Variants in LEPR observed in about 807,000 individuals in gnomAD.
LEPR encodes OB receptor.
A neutral mutation model predicts 114.7 loss-of-function variants in LEPR; 56 were observed. The observed-to-expected ratio is 0.49, with a 90% CI of 0.39 to 0.61. LEPR has a LOEUF of 0.61. Among genes scored for constraint, LEPR ranks in the 20% least tolerant of loss-of-function variants. The pLI, the probability that LEPR is intolerant of heterozygous loss-of-function variation, is 0.00. For synonymous variants in LEPR, 443 were observed against 461.4 expected, an observed-to-expected ratio of 0.96 and a Z score of 0.51; for missense variants, 1,202 against 1,352.9, an observed-to-expected ratio of 0.89 and a Z score of 1.75.
At chr1:65,424,504 A>G (rs1646318256) in intron 1 of LEPR, among the ~76,000 whole-genome samples, 1 of 152,038 alleles carries the variant, frequency 6.6e-6, no homozygotes, top group Admixed American at 6.6e-5. Context: ...TCCATTGGAT[A>G]GGGGTTAGGT....
At chr1:65,530,880 A>G (rs1438577377) in intron 2 of LEPR, among the ~76,000 whole-genome samples, 2 of 152,124 alleles carry the variant, frequency 1.3e-5, no homozygotes, top group Non-Finnish European at 2.9e-5. Flanking sequence ...CTCCCACCCT[A>G]GTACAAGGTG....
At chr1:65,565,655 A>G (rs769645638) in intron 3 of LEPR, 50 bp downstream of exon 3, 43 of 1,607,788 alleles carry the variant, frequency 2.7e-5, no homozygotes, top group Middle Eastern at 1.6e-4. Context: ...CATGGTAGAG[A>G]TTTTGCCTTT....
chr1:65,629,332 T>A lies in LEPR; in HGVS notation c.2673+6351T>A, dbSNP rs1382380508. 6.7e-6 allele frequency: 3 copies of A among 449,034 alleles called. No individual in the cohort carries two copies. In the Admixed American group the frequency reaches 7.3e-5, roughly 11 times the overall value. 27.8% of individuals were successfully genotyped at this position (449,034 alleles called of 1,614,324 possible). On this transcript the variant is annotated intron_variant, in intron 19 of 19. Transcript: ENST00000349533. Reference sequence around the variant, plus strand: ...ATCTAAGTTTATGTTTTTCCTTAAGTCAGGGTTGATATGATGTTCTGTGTT... The same window carrying A: ...ATCTAAGTTTATGTTTTTCCTTAAGACAGGGTTGATATGATGTTCTGTGTT...
At chr1:65,539,409 G>C (rs760895618) in intron 2 of LEPR, among the ~76,000 whole-genome samples, 2 of 152,154 alleles carry the variant, frequency 1.3e-5, no homozygotes, top group Non-Finnish European at 2.9e-5. Flanking sequence ...CAGGAAGAAT[G>C]TGACTTCTGT....
chr1:65,438,801 CTT>C (rs1376560114), intron 2 of LEPR, among the ~76,000 whole-genome samples: 1 of 152,042 alleles, frequency 6.6e-6, no homozygotes, highest in East Asian at 1.9e-4. Flanking sequence ...TTTATGAGCT[CTT>C]TTATTCTAAG....
intron 2 of LEPR, among the ~76,000 whole-genome samples, chr1:65,499,272 G>A (rs1287960164): frequency 6.6e-6 from 1 of 152,100 alleles, no homozygotes; most frequent in Non-Finnish European, 1.5e-5. Context: ...CAAGAATATA[G>A]CGAGTTTCCC....
Position 65,618,017 on chromosome 1 carries a change from G to T in LEPR, c.2266G>T (p.Val756Phe), listed in dbSNP as rs1657633570. 6.2e-7 allele frequency: 1 copy of T among 1,612,800 alleles called. No homozygotes were observed. The highest frequency in any genetic ancestry group is 1.3e-5 in the African/African-American group (1 of 74,846). The change falls in exon 16 of 20, where the codon GTT (valine) becomes TTT (phenylalanine). Residue 756 changes from valine (V) to phenylalanine (F), a missense_variant. Physicochemically the swap from Val to Phe is conservative, Grantham distance 50. Coordinates refer to ENST00000349533, the MANE Select transcript of LEPR (RefSeq NM_002303.6). ...TCCTTTAAACAGCAGTTGTGTGATT[G>T]TTTCCTGGATACTATCACCCAGTGA... Reference protein sequence around the residue: ...AYPLNSSCVIVSWILSPSDYK... With the variant: ...AYPLNSSCVIFSWILSPSDYK...
intron 11 of LEPR, among the ~76,000 whole-genome samples, chr1:65,606,167 T>C (rs2100952938): frequency 6.6e-6 from 1 of 152,250 alleles, no homozygotes; most frequent in South Asian, 2.1e-4. Context: ...TTGTCTTAAT[T>C]ATAAGATTTC....
chr1:65,466,629 T>G (rs540396751), intron 2 of LEPR, among the ~76,000 whole-genome samples: 1 of 152,364 alleles, frequency 6.6e-6, no homozygotes, highest in Non-Finnish European at 1.5e-5. Flanking sequence ...GTTTTCCAAC[T>G]TGGTTCCATT....
intron 3 of LEPR, among the ~76,000 whole-genome samples, chr1:65,566,038 G>A (rs939580001): frequency 2.0e-4 from 31 of 152,110 alleles, no homozygotes; most frequent in African/African-American, 7.2e-4. Context: ...ATACTTATTA[G>A]TTTAATGGTT....
At chr1:65,513,392 T>C (rs1159335987) in intron 2 of LEPR, among the ~76,000 whole-genome samples, 1 of 152,244 alleles carries the variant, frequency 6.6e-6, no homozygotes, top group African/African-American at 2.4e-5. Flanking sequence ...GTCACATTGA[T>C]ATGATCAAAG....
chr1:65,619,389 A>G (rs1485046416), intron 16 of LEPR, among the ~76,000 whole-genome samples: 6 of 152,096 alleles, frequency 3.9e-5, no homozygotes, highest in Non-Finnish European at 8.8e-5. Context: ...GAGCTTTGCT[A>G]TAGGGTTGGT....
intron 2 of LEPR, chr1:65,435,007 G>A (rs55655800): frequency 4.1e-6 from 4 of 985,342 alleles, no homozygotes; most frequent in African/African-American, 1.7e-5. Flanking sequence ...CTGCACCTGC[G>A]TTTTTAGAGA....
intron 2 of LEPR, among the ~76,000 whole-genome samples, chr1:65,481,670 T>A (rs979659030): frequency 1.3e-5 from 2 of 152,060 alleles, no homozygotes; most frequent in African/African-American, 4.8e-5. Context: ...CCAGACTTTA[T>A]ATTATTTAAA....
At chr1:65,450,376 C>T (rs1570470103) in intron 2 of LEPR, among the ~76,000 whole-genome samples, 1 of 149,580 alleles carries the variant, frequency 6.7e-6, no homozygotes, top group Admixed American at 6.7e-5. Context: ...GCTGCACCCA[C>T]TAACTCGTCA....
At chr1:65,430,029 T>C in intron 2 of LEPR, 2 of 1,560,914 alleles carry the variant, frequency 1.3e-6, no homozygotes, top group South Asian at 2.3e-5. Context: ...TTTCCTGTTA[T>C]TCTTGCTCGT....
At chr1:65,428,533 C>A (rs1211934714) in intron 2 of LEPR, among the ~76,000 whole-genome samples, 1 of 152,188 alleles carries the variant, frequency 6.6e-6, no homozygotes, top group Non-Finnish European at 1.5e-5. Flanking sequence ...TCCACTGTTT[C>A]CATCCTGAGT....
chr1:65,424,214 A>T (rs1646312861), intron 1 of LEPR, among the ~76,000 whole-genome samples: 1 of 152,224 alleles, frequency 6.6e-6, no homozygotes, highest in South Asian at 2.1e-4. Context: ...AGATACAGGG[A>T]ATACATATTT....
chr1:65,595,791 A>G (rs2100910995), intron 6 of LEPR, among the ~76,000 whole-genome samples: 1 of 152,234 alleles, frequency 6.6e-6, no homozygotes, highest in Admixed American at 6.5e-5. Context: ...CACTTTGGCG[A>G]TCTTTATATT....
Sources: gnomAD v4.1 joint callset for allele counts (sites outside exome capture counted in the v4.1 genomes callset) on GRCh38, gnomAD v4.1.1 for gene constraint, MANE v1.5 for transcripts, NCBI Gene and HGNC (gene_info 2026-07-23, HGNC 2026-07-21) for gene names.